PROM1: variants seen among roughly 807,000 people sequenced by gnomAD.
PROM1 encodes the protein prominin-1.
PROM1 carries 105 observed loss-of-function variants against 116.9 expected under a neutral mutation model. The ratio of observed to expected loss-of-function variants is 0.90; its 90% confidence interval spans 0.77 to 1.06. PROM1 has a LOEUF of 1.06. PROM1 is among the 50% of genes least tolerant of loss of function. The pLI is 0.00. For synonymous variants in PROM1, 393 were observed against 387.0 expected, an observed-to-expected ratio of 1.02 and a Z score of -0.18; for missense variants, 1,122 against 1,045.2, an observed-to-expected ratio of 1.07 and a Z score of -1.01.
At chr4:16,038,925 A>G (rs1734547377) in intron 3 of PROM1, 21 bp downstream of exon 3, 1 of 1,464,190 alleles carries the variant, frequency 6.8e-7, no homozygotes, top group Non-Finnish European at 9.0e-7. Context: ...TTTAATAATA[A>G]ATACACCAAT....
intron 2 of PROM1, among the ~76,000 whole-genome samples, chr4:16,043,048 T>G (rs1349975452): frequency 6.6e-6 from 1 of 152,270 alleles, no homozygotes; most frequent in Non-Finnish European, 1.5e-5. Flanking sequence ...TCTTTTTAAA[T>G]GAATTGACAA....
chr4:16,042,183 A>G (rs1484347814), intron 2 of PROM1, among the ~76,000 whole-genome samples: 1 of 152,212 alleles, frequency 6.6e-6, no homozygotes, highest in African/African-American at 2.4e-5. Context: ...TTTGTTGCCA[A>G]TGATAAAACT....
intron 16 of PROM1, 148 bp from the exon 17 acceptor site, chr4:15,992,539 GC>G: frequency 1.3e-6 from 1 of 777,970 alleles, no homozygotes; most frequent in Non-Finnish European, 1.9e-6. Flanking sequence ...GATCGCTTGA[GC>G]TCAGGAGTTC....
chr4:15,979,542 T>C (rs990661390), intron 25 of PROM1, 79 bp from the exon 26 acceptor site: 6 of 1,490,250 alleles, frequency 4.0e-6, no homozygotes, highest in Middle Eastern at 2.0e-4. Context: ...ACAAAGACAA[T>C]GTAATGGTCA....
chr4:16,067,296 TTCC>T (rs1741760343), intron 2 of PROM1, among the ~76,000 whole-genome samples: 1 of 152,182 alleles, frequency 6.6e-6, no homozygotes, highest in African/African-American at 2.4e-5. Context: ...GAGTCTCACT[TTCC>T]TCATCAGCGA....
At chr4:16,051,367 G>A (rs971513912) in intron 2 of PROM1, among the ~76,000 whole-genome samples, 6 of 152,222 alleles carry the variant, frequency 3.9e-5, no homozygotes, top group Non-Finnish European at 8.8e-5. Context: ...TAGCCACTCT[G>A]TGCCTTCGTT....
chr4:16,019,862 T>G (rs1365115458), intron 8 of PROM1, among the ~76,000 whole-genome samples: 2 of 90,428 alleles, frequency 2.2e-5, no homozygotes, highest in African/African-American at 7.4e-5. Flanking sequence ...AATACTTGAG[T>G]GTTAAAAATA....
At chr4:16,068,819 C>A (rs1254093837) in intron 2 of PROM1, among the ~76,000 whole-genome samples, 5 of 152,282 alleles carry the variant, frequency 3.3e-5, no homozygotes, top group South Asian at 2.1e-4. Context: ...CTTAACTCCC[C>A]ACCTTCCTCA....
At chr4:16,019,172 T>C (rs1472407081) in intron 8 of PROM1, among the ~76,000 whole-genome samples, 1 of 152,170 alleles carries the variant, frequency 6.6e-6, no homozygotes, top group African/African-American at 2.4e-5. Flanking sequence ...TCAAAGGCAG[T>C]GGTCTGTTTA....
At chr4:16,061,538 C>T (rs1740310452) in intron 2 of PROM1, among the ~76,000 whole-genome samples, 1 of 152,248 alleles carries the variant, frequency 6.6e-6, no homozygotes, top group Non-Finnish European at 1.5e-5. Flanking sequence ...ATGACATGGA[C>T]ATCAGTTCCG....
intron 8 of PROM1, among the ~76,000 whole-genome samples, chr4:16,022,949 T>C (rs1278417464): frequency 6.6e-6 from 1 of 152,112 alleles, no homozygotes; most frequent in African/African-American, 2.4e-5. Flanking sequence ...AGACGGTAAA[T>C]ATTTTAGGTT....
intron 2 of PROM1, among the ~76,000 whole-genome samples, chr4:16,063,859 T>C (rs1264203510): frequency 6.6e-6 from 1 of 152,174 alleles, no homozygotes; most frequent in Non-Finnish European, 1.5e-5. Flanking sequence ...TGGGATTTGC[T>C]TCAAAGTAAA....
chr4:16,073,401 T>C (rs1743235677), intron 2 of PROM1, among the ~76,000 whole-genome samples: 1 of 152,210 alleles, frequency 6.6e-6, no homozygotes, highest in African/African-American at 2.4e-5. Context: ...TTGGTACTTG[T>C]GAAATGCATT....
At chr4:16,033,013 C>G (rs952110972) in intron 5 of PROM1, among the ~76,000 whole-genome samples, 1 of 152,116 alleles carries the variant, frequency 6.6e-6, no homozygotes, top group South Asian at 2.1e-4. Context: ...GGAGGTAAGT[C>G]CTTTCTGCAG....
At chr4:15,992,110 T>C in intron 17 of PROM1, 138 bp downstream of exon 17, 1 of 1,076,652 alleles carries the variant, frequency 9.3e-7, no homozygotes, top group Non-Finnish European at 1.4e-6. Flanking sequence ...ATGTACTCAA[T>C]GCCACCGAAT....
intron 2 of PROM1, among the ~76,000 whole-genome samples, chr4:16,073,646 T>C (rs1252777207): frequency 8.3e-6 from 1 of 120,452 alleles, no homozygotes; most frequent in African/African-American, 2.5e-5. Flanking sequence ...TGGTCTACTG[T>C]TGAAAGTTGA....
chr4:16,020,921 G>C (rs1729690295), intron 8 of PROM1, among the ~76,000 whole-genome samples: 1 of 152,086 alleles, frequency 6.6e-6, no homozygotes, highest in African/African-American at 2.4e-5. Flanking sequence ...TCTGAAGTAA[G>C]TGGAAAAGAT....
rs1022639086 is a variant in PROM1 at position 16,028,018 on chromosome 4, T to TA, written c.510-2707dup. ...TAAAATTAAAGCATTGATAATTTTTTAAAAAAACTGTACTAAGCTGGGTGT... is the reference window on the plus strand; with the variant it reads ...TAAAATTAAAGCATTGATAATTTTTTAAAAAAAACTGTACTAAGCTGGGTGT... On this transcript the variant is annotated intron_variant, in intron 5 of 27. Transcript: ENST00000447510. Among the ~76,000 whole-genome samples the TA allele has an allele frequency of 2.4e-4, 36 of 152,334 alleles. 1 individual carries two copies. Among genetic ancestry groups the TA allele is most frequent in the African/African-American group, 8.2e-4 (34 of 41,578 alleles).
chr4:15,979,978 AAT>A, intron 24 of PROM1, 74 bp from the exon 25 acceptor site: 1 of 884,478 alleles, frequency 1.1e-6, no homozygotes, highest in Non-Finnish European at 1.7e-6. Context: ...ACATCCCCCA[AAT>A]ATTTACTCTA....
Sources: gnomAD v4.1 joint callset for allele counts (sites outside exome capture counted in the v4.1 genomes callset) on GRCh38, gnomAD v4.1.1 for gene constraint, MANE v1.5 for transcripts, NCBI Gene and HGNC (gene_info 2026-07-23, HGNC 2026-07-21) for gene names.